OSBPL5: variants seen among roughly 807,000 people sequenced by gnomAD.
OSBPL5 encodes oxysterol-binding protein-related protein 5.
In OSBPL5, 71 loss-of-function variants were observed where a neutral mutation model predicts 111.2. That is an observed-to-expected ratio of 0.64 (90% confidence interval 0.53 to 0.78). OSBPL5 has a LOEUF of 0.78. OSBPL5 is among the 30% of genes least tolerant of loss of function. The pLI is 0.00. For synonymous variants in OSBPL5, 549 were observed against 513.9 expected (o/e 1.07, Z -0.93); for missense variants, 1,210 against 1,189.3 (o/e 1.02, Z -0.26).
At chr11:3,156,639 G>T (rs181107598) in intron 1 of OSBPL5, among the ~76,000 whole-genome samples, 1 of 152,230 alleles carries the variant, frequency 6.6e-6, no homozygotes, top group South Asian at 2.1e-4. Flanking sequence ...CCTTGACGAC[G>T]CTGGGGTTGG....
Position 3,104,350 on chromosome 11 carries a change from C to A in OSBPL5, c.1087G>T (p.Val363Leu), listed in dbSNP as rs201450347. The A allele has an allele frequency of 5.7e-5, 92 of 1,612,246 alleles. No homozygotes were observed. Among genetic ancestry groups the A allele is most frequent in the Non-Finnish European group, 1.8e-5 (21 of 1,179,820 alleles). ...ELGEASQVETVSEENKSLMWT... is the reference protein window; with the variant it reads ...ELGEASQVETLSEENKSLMWT... ...ATCAGACTCTTGTTCTCCTCTGACA[C>A]TGTCTCCACCTGGGACGCCTCGCCC... The change falls in exon 10 of 22, where the codon GTG (valine) becomes TTG (leucine). Residue 363 changes from valine to leucine, a missense_variant. Physicochemically the swap from Val to Leu is conservative, Grantham distance 32. Coordinates refer to ENST00000263650, the MANE Select transcript of OSBPL5 (RefSeq NM_020896.4). This position sits in a 1 kb window ranked among gnomAD's most constrained non-coding sequence, Gnocchi z 5.0.
At chr11:3,131,733 TCCTC>T (rs1372788966) in intron 1 of OSBPL5, among the ~76,000 whole-genome samples, 2 of 125,602 alleles carry the variant, frequency 1.6e-5, no homozygotes, top group African/African-American at 3.1e-5. Flanking sequence ...CATCCATCCA[TCCTC>T]CCAGGCATCC....
At chr11:3,137,048 AGTT>A (rs1845967729) in intron 1 of OSBPL5, among the ~76,000 whole-genome samples, 1 of 152,192 alleles carries the variant, frequency 6.6e-6, no homozygotes, top group Non-Finnish European at 1.5e-5. Flanking sequence ...AGCAGCCATC[AGTT>A]AAAGGACAGC....
intron 13 of OSBPL5, 57 bp from the exon 14 acceptor site, chr11:3,100,313 G>A: frequency 1.3e-6 from 2 of 1,498,136 alleles, no homozygotes; most frequent in Non-Finnish European, 1.8e-6. Flanking sequence ...TCACATCTGA[G>A]GCCACCCCTA....
Position 3,129,086 on chromosome 11 carries a change from C to CTGAGGG in OSBPL5, c.57_62dup (p.Pro20_Gln21insHisPro). 1 of 1,564,304 alleles carries CTGAGGG rather than the reference C, an allele frequency of 6.4e-7. No individual in the cohort carries two copies. The highest frequency in any genetic ancestry group is 8.6e-7 in the Non-Finnish European group (1 of 1,156,330). On this transcript the variant is annotated inframe_insertion, in exon 2 of 22. Transcript: ENST00000263650. Reference sequence around the variant, plus strand: ...GGGTGAGCTTCCGGGGGTCGACTTTCTGAGGGGTGGAGGAAGGTGGACACA... The same window carrying CTGAGGG: ...GGGTGAGCTTCCGGGGGTCGACTTTCTGAGGGTGAGGGGTGGAGGAAGGTGGACACA...
rs753711103 is a variant in OSBPL5 at position 3,141,274 on chromosome 11, G to A, written c.-21-12105C>T. 2.6e-5 allele frequency among the ~76,000 whole-genome samples: 4 copies of A among 152,108 alleles called. No homozygotes were observed. The highest frequency in any genetic ancestry group is 6.5e-5 in the Admixed American group (1 of 15,284). On this transcript the variant is annotated intron_variant, in intron 1 of 21. Transcript: ENST00000263650. The surrounding 1 kb of genome is among the most constrained non-coding windows in gnomAD (Gnocchi z 6.5). ...TGATTGCTCCTGGACAATGCACAGCGTCCTTTGACCAAGCGCCTCCTGCTC... is the reference window on the plus strand; with the variant it reads ...TGATTGCTCCTGGACAATGCACAGCATCCTTTGACCAAGCGCCTCCTGCTC...
chr11:3,115,824 T>C (rs1858188448), intron 7 of OSBPL5, among the ~76,000 whole-genome samples: 1 of 152,154 alleles, frequency 6.6e-6, no homozygotes, highest in South Asian at 2.1e-4. Flanking sequence ...TATTAGGGCT[T>C]ATTGTTTGGA....
chr11:3,125,301 C>T (rs1858573841), intron 3 of OSBPL5, among the ~76,000 whole-genome samples: 1 of 152,186 alleles, frequency 6.6e-6, no homozygotes, highest in African/African-American at 2.4e-5. Flanking sequence ...CGGATAAGGA[C>T]CTAGTATCCA....
chr11:3,112,054 T>TGC (rs1564837521), intron 7 of OSBPL5, among the ~76,000 whole-genome samples: 6 of 33,970 alleles, frequency 1.8e-4, no homozygotes, highest in Admixed American at 4.5e-4. Flanking sequence ...CGCATGTGTG[T>TGC]GCATGTGTAT....
intron 17 of OSBPL5, 52 bp from the exon 18 acceptor site, chr11:3,093,104 A>T (rs974342331): frequency 6.9e-7 from 1 of 1,447,246 alleles, no homozygotes; most frequent in Admixed American, 2.5e-5. Context: ...CCCGACCCCT[A>T]GGCAGCTAGG....
chr11:3,159,517 C>A (rs1174955359), intron 1 of OSBPL5, among the ~76,000 whole-genome samples: 1 of 152,202 alleles, frequency 6.6e-6, no homozygotes, highest in Non-Finnish European at 1.5e-5. Flanking sequence ...AGGACAGCAG[C>A]CTCAAAGAGC....
rs986330415 is a variant in OSBPL5 at position 3,141,318 on chromosome 11, G to A, written c.-21-12149C>T. 6.6e-6 allele frequency among the ~76,000 whole-genome samples: 1 copy of A among 152,076 alleles called. No individual in the cohort carries two copies. Among genetic ancestry groups the A allele is most frequent in the Non-Finnish European group, 1.5e-5 (1 of 68,010 alleles). On this transcript the variant is annotated intron_variant, in intron 1 of 21. Coordinates refer to ENST00000263650, the MANE Select transcript of OSBPL5 (RefSeq NM_020896.4). The surrounding 1 kb of genome is among the most constrained non-coding windows in gnomAD (Gnocchi z 6.5). ...CCTGCTCACCCGGGAACACACCCTC[G>A]GGTCCAGCATCCTCCCTGTGACTCT...
intron 13 of OSBPL5, among the ~76,000 whole-genome samples, chr11:3,100,971 C>CTT (rs1196891233): frequency 7.4e-4 from 91 of 123,410 alleles, no homozygotes; most frequent in East Asian, 9.6e-4. Flanking sequence ...AGTTTCATTT[C>CTT]TTTTTTTTTT....
chr11:3,103,825 C>CCCCTTCCAGCCTCTGCAGT (rs1439653006), intron 10 of OSBPL5, among the ~76,000 whole-genome samples: 5 of 57,104 alleles, frequency 8.8e-5, no homozygotes, highest in Non-Finnish European at 2.1e-4. Context: ...CCTGCGCAGC[C>CCCCTTCCAGCCTCTGCAGT]CCCTTCCAGC....
chr11:3,103,822 AGCCCCC>A (rs1564830476), intron 10 of OSBPL5, among the ~76,000 whole-genome samples: 2,069 of 43,394 alleles, frequency 0.048, 69 homozygotes, highest in African/African-American at 0.093. Flanking sequence ...CTGCCTGCGC[AGCCCCC>A]TTCCAGCCTC....
In OSBPL5 at chr11:3,107,956, C is replaced by T; in HGVS notation, c.692-11G>A. ...CCAGCCAGCAGCGACCTGCGGGGCA[C>T]ACGGGATGAGCATGCCCCACCCCCA... On this transcript the variant is annotated splice_polypyrimidine_tract_variant and intron_variant, in intron 7 of 21. Coordinates refer to ENST00000263650, the MANE Select transcript of OSBPL5 (RefSeq NM_020896.4). This position sits in a 1 kb window ranked among gnomAD's most constrained non-coding sequence, Gnocchi z 6.1. 6.3e-7 allele frequency: 1 copy of T among 1,582,332 alleles called. No homozygotes were observed.
chr11:3,127,866 G>A lies in OSBPL5; in HGVS notation c.136+1147C>T, dbSNP rs145699412. On this transcript the variant is annotated intron_variant, in intron 2 of 21. Transcript: ENST00000263650. Reference sequence around the variant, plus strand: ...CCACTCCCTTGGCCTGGGACCTACCGCCTCCATTCCTCGGAAAAGGCCCTT... The same window carrying A: ...CCACTCCCTTGGCCTGGGACCTACCACCTCCATTCCTCGGAAAAGGCCCTT... Among the ~76,000 whole-genome samples, 107 of 152,212 alleles carry A rather than the reference G, an allele frequency of 7.0e-4. 1 individual carries two copies. The highest frequency in any genetic ancestry group is 1.3e-3 in the Non-Finnish European group (88 of 68,002).
rs2134550219 is a variant in OSBPL5, at chr11:3,154,420, T to C, written c.-22+10796A>G. 6.6e-6 allele frequency among the ~76,000 whole-genome samples: 1 copy of C among 152,330 alleles called. No homozygotes were observed. The highest frequency in any genetic ancestry group is 1.9e-4 in the East Asian group (1 of 5,178). Reference sequence around the variant, plus strand: ...CGGGGTGAGCCCGGAAGGGTGAGCATGCGCCTGCTGACGCTTCGTTCACCA... The same window carrying C: ...CGGGGTGAGCCCGGAAGGGTGAGCACGCGCCTGCTGACGCTTCGTTCACCA... On this transcript the variant is annotated intron_variant, in intron 1 of 21. Coordinates refer to ENST00000263650, the MANE Select transcript of OSBPL5 (RefSeq NM_020896.4). The surrounding 1 kb of genome is among the most constrained non-coding windows in gnomAD (Gnocchi z 4.9).
At chr11:3,090,739 C>A in intron 19 of OSBPL5, 43 bp from the exon 20 acceptor site, 1 of 1,568,834 alleles carries the variant, frequency 6.4e-7, no homozygotes. Context: ...CCACCCACGC[C>A]CCCTGCCCAG....
Sources: allele counts gnomAD v4.1 joint callset (sites outside exome capture counted in the v4.1 genomes callset), GRCh38; gene constraint gnomAD v4.1.1; non-coding constraint Gnocchi (gnomAD v3.1); transcripts MANE v1.5; gene names NCBI Gene and HGNC (gene_info 2026-07-23, HGNC 2026-07-21).